The following ATIC variants were observed in gnomAD, a reference collection of about 807,000 sequenced individuals.
ATIC encodes bifunctional purine biosynthesis protein ATIC.
A neutral mutation model predicts 72.5 loss-of-function variants in ATIC; 64 were observed. The observed-to-expected ratio is 0.88, with a 90% CI of 0.72 to 1.09. The LOEUF (loss-of-function observed/expected upper bound fraction) is 1.09. ATIC is among the 50% of genes least tolerant of loss of function. The pLI is 0.00. For synonymous variants in ATIC, 281 were observed against 267.1 expected, an observed-to-expected ratio of 1.05 and a Z score of -0.51; for missense variants, 787 against 732.4, an observed-to-expected ratio of 1.07 and a Z score of -0.86.
At chr2:215,325,046 C>T in intron 4 of ATIC, 195 bp from the exon 5 acceptor site, 2 of 544,146 alleles carry the variant, frequency 3.7e-6, no homozygotes, top group East Asian at 3.2e-5. Flanking sequence ...TAAATTACCT[C>T]TGCTCGACCC....
At chr2:215,322,179 A>G (rs2052775176) in intron 4 of ATIC, among the ~76,000 whole-genome samples, 1 of 152,092 alleles carries the variant, frequency 6.6e-6, no homozygotes, top group Admixed American at 6.5e-5. Flanking sequence ...CTGGGATTAC[A>G]GGCTTGAGCC....
rs1486657093 is a variant in ATIC at position 215,349,097 on chromosome 2, G to A, written c.1507G>A (p.Glu503Lys). The A allele has an allele frequency of 2.5e-6, 4 of 1,614,030 alleles. No individual in the cohort carries two copies. In the African/African-American group the frequency reaches 5.3e-5, roughly 22 times the overall value. ...QYVTGTIGEDEDLIKWKALFE... is the reference protein window; with the variant it reads ...QYVTGTIGEDKDLIKWKALFE... ...TCCTTTCTCTCTCCCCGCATAGGAT[G>A]AAGATTTGATAAAGTGGAAGGCACT... Residue 503 changes from glutamate (E) to lysine (K), a missense_variant, in exon 15 of 16, where the codon GAA becomes AAA. Transcript: ENST00000236959.
chr2:215,347,129 AT>A lies in ATIC; in HGVS notation c.1503+190del. 7.4e-6 allele frequency: 6 copies of A among 807,130 alleles called. 1 individual carries two copies. The South Asian group carries it at 1.0e-4, about 14-fold the overall frequency. The allele number at this position is 807,130 out of a possible 1,614,324, so 50.0% of individuals were successfully genotyped here. ...TCTTCTGTCTCATGTAACTTTCTTC[AT>A]TGTTTTTGACCCCTTTCTGAAACCA... On this transcript the variant is annotated intron_variant, in intron 14 of 15. Coordinates refer to ENST00000236959, the MANE Select transcript of ATIC (RefSeq NM_004044.7).
chr2:215,324,341 C>G (rs74743134), intron 4 of ATIC, among the ~76,000 whole-genome samples: 3,032 of 152,206 alleles, frequency 0.02, 94 homozygotes, highest in African/African-American at 0.069. Context: ...TATATGAATA[C>G]CTGTTGAATT....
intron 2 of ATIC, among the ~76,000 whole-genome samples, chr2:215,314,511 T>C (rs78786413): frequency 1.2e-3 from 182 of 152,046 alleles, no homozygotes; most frequent in Middle Eastern, 3.4e-3. Flanking sequence ...TTTTTTTTTT[T>C]CTCTGAGATA....
At chr2:215,328,746 T>G (rs1280365060) in intron 7 of ATIC, among the ~76,000 whole-genome samples, 1 of 151,668 alleles carries the variant, frequency 6.6e-6, no homozygotes, top group Non-Finnish European at 1.5e-5. Context: ...AGATAGAGTT[T>G]CACTCTTTTC....
intron 14 of ATIC, 61 bp from the exon 15 acceptor site, chr2:215,349,033 C>G: frequency 6.4e-7 from 1 of 1,569,146 alleles, no homozygotes. Context: ...TGGTGATTTG[C>G]ACCACATAGA....
chr2:215,365,966 A>ATTTTTTTTTTTTT, the ATIC span, among the ~76,000 whole-genome samples: 1,026 of 90,234 alleles, frequency 0.011, no homozygotes, highest in Non-Finnish European at 0.013. Flanking sequence ...CCACAGTGCT[A>ATTTTTTTTTTTTT]TTTTTTTTTT....
intron 7 of ATIC, among the ~76,000 whole-genome samples, chr2:215,327,755 G>A (rs928736315): frequency 1.3e-5 from 2 of 152,146 alleles, no homozygotes; most frequent in African/African-American, 2.4e-5. Context: ...CATTTGGTGA[G>A]GGGGTGCAGC....
At position 215,314,097 on chromosome 2, in the gene ATIC, A is replaced by G. The variant is rs1348463535; in HGVS notation, c.146+1473A>G. Among the ~76,000 whole-genome samples, 4 of 152,300 alleles carry G rather than the reference A, an allele frequency of 2.6e-5. No individual in the cohort carries two copies. In the East Asian group the frequency reaches 5.8e-4, roughly 22 times the overall value. On this transcript the variant is annotated intron_variant, in intron 2 of 15. Transcript: ENST00000236959. ...CCTATATCTGTCACCCACTTTAGGT[A>G]CTTATCAACTGATTAGTCTTGTTTC... is the stretch of plus-strand genomic sequence containing the variant.
intron 4 of ATIC, chr2:215,325,035 C>T: frequency 1.9e-6 from 1 of 525,916 alleles, no homozygotes; most frequent in Non-Finnish European, 3.4e-6. Context: ...CACCTGCTGA[C>T]TAAATTACCT....
intron 3 of ATIC, 141 bp downstream of exon 3, chr2:215,318,374 T>G: frequency 1.2e-6 from 1 of 810,310 alleles, no homozygotes. Flanking sequence ...GCTGCCAGAT[T>G]TCATAATACG....
rs1033296167 is a variant in ATIC at position 215,332,240 on chromosome 2, A to G, written c.689-142A>G. ...TCAGTTGCTTTGTTCTTTATCATCA[A>G]GATTTTATGTTTGTGTGTATCTGTT... On this transcript the variant is annotated intron_variant, in intron 7 of 15. Coordinates refer to ENST00000236959, the MANE Select transcript of ATIC (RefSeq NM_004044.7). 2.4e-6 allele frequency: 3 copies of G among 1,238,998 alleles called. No homozygotes were observed. The African/African-American group carries it at 4.6e-5, about 19-fold the overall frequency. The allele number at this position is 1,238,998 out of a possible 1,614,324, so 76.8% of individuals were successfully genotyped here. A position where few individuals can be genotyped will look rare whatever the true frequency, so the allele number is the denominator to read the frequency against.
rs547603625 is a variant in ATIC, at chr2:215,312,363, G to C, written c.20-135G>C. ...GCGGGTGTAAGACCTGGGGAGGCCC[G>C]GACCAGGCCTGCGAACGCAGGGTCC... On this transcript the variant is annotated intron_variant, in intron 1 of 15. Coordinates refer to ENST00000236959, the MANE Select transcript of ATIC (RefSeq NM_004044.7). The C allele has an allele frequency of 4.3e-4, 672 of 1,547,332 alleles. 3 individuals carry two copies. The African/African-American group carries it at 7.8e-3, about 18-fold the overall frequency.
At chr2:215,346,531 A>C (rs750606576) in intron 13 of ATIC, among the ~76,000 whole-genome samples, 31 of 151,586 alleles carry the variant, frequency 2.0e-4, no homozygotes, top group Non-Finnish European at 3.5e-4. Flanking sequence ...GTAGATTATT[A>C]ATAGTCATAT....
chr2:215,324,585 T>C (rs1337727787), intron 4 of ATIC, among the ~76,000 whole-genome samples: 3 of 152,240 alleles, frequency 2.0e-5, no homozygotes, highest in Non-Finnish European at 4.4e-5. Context: ...GTTTTTGTTT[T>C]TTTTAATTAG....
intron 14 of ATIC, 122 bp from the exon 15 acceptor site, chr2:215,348,972 T>C (rs1225505022): frequency 1.3e-6 from 1 of 797,804 alleles, no homozygotes; most frequent in Admixed American, 3.5e-5. Flanking sequence ...AAAAAAATAA[T>C]AATAATAATA....
intron 2 of ATIC, among the ~76,000 whole-genome samples, chr2:215,314,306 C>T (rs1056166294): frequency 6.6e-6 from 1 of 152,158 alleles, no homozygotes; most frequent in African/African-American, 2.4e-5. Flanking sequence ...GTTTTTTCTT[C>T]AACAAAGGCC....
chr2:215,340,151 C>G (rs2053004104), intron 12 of ATIC, among the ~76,000 whole-genome samples: 3 of 152,068 alleles, frequency 2.0e-5, no homozygotes, highest in Non-Finnish European at 4.4e-5. Flanking sequence ...AGTTTTTGGG[C>G]TTGTGCTCTT....
Sources: allele counts gnomAD v4.1 joint callset (sites outside exome capture counted in the v4.1 genomes callset), GRCh38; gene constraint gnomAD v4.1.1; transcripts MANE v1.5; gene names NCBI Gene and HGNC (gene_info 2026-07-23, HGNC 2026-07-21).